PRKN: variants seen among roughly 807,000 people sequenced by gnomAD.
PRKN encodes parkin RBR E3 ubiquitin protein ligase.
Under a neutral mutation model 59.5 loss-of-function variants are expected in PRKN, and 56 were observed. The observed-to-expected ratio is 0.94, with a 90% CI of 0.76 to 1.18. PRKN has a LOEUF of 1.18. Ranked by LOEUF, PRKN falls within the 50% of genes most tolerant of loss-of-function variation. PRKN has a pLI of 0.00. For synonymous variants in PRKN, 250 were observed against 222.1 expected (o/e 1.13, Z -1.12); for missense variants, 657 against 596.4 (o/e 1.10, Z -1.06).
chr6:161,486,669 T>C, intron 9 of PRKN, among the ~76,000 whole-genome samples: 1 of 152,234 alleles, frequency 6.6e-6, no homozygotes, highest in East Asian at 1.9e-4. Context: ...ACCTTAGGGA[T>C]GCTATTAGCA....
intron 6 of PRKN, among the ~76,000 whole-genome samples, chr6:161,874,719 C>CAATATATAAAATATAT (rs1554237883): frequency 0.016 from 1,374 of 83,790 alleles, 126 homozygotes; most frequent in African/African-American, 0.07. Context: ...ATAAAATGTA[C>CAATATATAAAATATAT]AATATATAAA....
intron 8 of PRKN, among the ~76,000 whole-genome samples, chr6:161,557,398 G>A (rs1780277158): frequency 6.6e-6 from 1 of 152,200 alleles, no homozygotes; most frequent in African/African-American, 2.4e-5. Context: ...TAGGAGACCT[G>A]TATTTGGGTA....
In PRKN at chr6:161,533,654, C is replaced by T. The variant is rs558794240; in HGVS notation, c.1083+15200G>A. Among the ~76,000 whole-genome samples, 3 of 152,202 alleles carry T rather than the reference C, an allele frequency of 2.0e-5. No individual in the cohort carries two copies. The highest frequency in any genetic ancestry group is 4.4e-5 in the Non-Finnish European group (3 of 68,042). On this transcript the variant is annotated intron_variant, in intron 9 of 11. Transcript: ENST00000366898. This position sits in a 1 kb window ranked among gnomAD's most constrained non-coding sequence, Gnocchi z 4.1. ...ATCTGTGAGCCCTACGTAAATCAGA[C>T]ACTGCCTCCTCAAGCCTGCCTATAA... is the stretch of plus-strand genomic sequence containing the variant.
rs1779744711 is a variant in PRKN, at chr6:161,545,008, T to C, written c.1083+3846A>G. 3.6e-6 allele frequency: 1 copy of C among 274,918 alleles called. No homozygotes were observed. Among genetic ancestry groups the C allele is most frequent in the African/African-American group, 2.3e-5 (1 of 43,908 alleles). 17.0% of individuals were successfully genotyped at this position (274,918 alleles called of 1,614,324 possible). On this transcript the variant is annotated intron_variant, in intron 9 of 11. Transcript: ENST00000366898. The surrounding 1 kb of genome is among the most constrained non-coding windows in gnomAD (Gnocchi z 4.1). The stretch of plus-strand genomic sequence containing the variant: ...CTGTGCGGAAGACCACCCAGGTACA[T>C]GGTCGTGGGTGAAATGACTAGAAGA...
chr6:162,659,138 T>C lies in PRKN; in HGVS notation c.7+68524A>G, dbSNP rs546676534. 5.9e-5 allele frequency among the ~76,000 whole-genome samples: 9 copies of C among 152,296 alleles called. No homozygotes were observed. The South Asian group carries it at 1.9e-3, about 32-fold the overall frequency. On this transcript the variant is annotated intron_variant, in intron 1 of 11. Coordinates refer to ENST00000366898, the MANE Select transcript of PRKN (RefSeq NM_004562.3). ...TATGAATGTTAAATGTTATAATACC[T>C]TTCTTAGTTACATGAATTCAAGCGG...
intron 2 of PRKN, among the ~76,000 whole-genome samples, chr6:162,273,189 G>A (rs1374995557): frequency 1.3e-5 from 2 of 151,938 alleles, no homozygotes; most frequent in African/African-American, 2.4e-5. Context: ...AAAAGGAAAC[G>A]TAGAAAGGAA....
chr6:161,852,909 GGGA>G (rs1265679663), intron 6 of PRKN, among the ~76,000 whole-genome samples: 1 of 152,158 alleles, frequency 6.6e-6, no homozygotes, highest in Non-Finnish European at 1.5e-5. Flanking sequence ...AGAAACCAGA[GGGA>G]GGCCAGAGAA....
intron 1 of PRKN, among the ~76,000 whole-genome samples, chr6:162,574,217 A>G (rs1780464358): frequency 6.6e-6 from 1 of 152,134 alleles, no homozygotes; most frequent in Non-Finnish European, 1.5e-5. Flanking sequence ...ATCTTCAAAG[A>G]AGGCACATAA....
At chr6:161,904,683 T>C (rs1375424224) in intron 6 of PRKN, among the ~76,000 whole-genome samples, 1 of 152,146 alleles carries the variant, frequency 6.6e-6, no homozygotes, top group African/African-American at 2.4e-5. Context: ...TGTGAAAGCC[T>C]GAACTTGGGA....
intron 1 of PRKN, among the ~76,000 whole-genome samples, chr6:162,586,397 A>G (rs1311949828): frequency 6.6e-6 from 1 of 152,224 alleles, no homozygotes; most frequent in African/African-American, 2.4e-5. Context: ...AAACCACTAA[A>G]ATGTTCTGCT....
chr6:161,767,461 G>A (rs1430582009), intron 7 of PRKN, among the ~76,000 whole-genome samples: 3 of 150,898 alleles, frequency 2.0e-5, no homozygotes, highest in African/African-American at 4.9e-5. Flanking sequence ...AGCTTGCAGT[G>A]AGCCAAGATC....
At chr6:162,650,987 G>A (rs963498656) in intron 1 of PRKN, among the ~76,000 whole-genome samples, 28 of 152,210 alleles carry the variant, frequency 1.8e-4, no homozygotes, top group Middle Eastern at 3.4e-3. Flanking sequence ...ATGAGAGGTC[G>A]AGAAGATCTA....
chr6:162,562,577 G>C (rs1470128675), intron 1 of PRKN, among the ~76,000 whole-genome samples: 3 of 152,140 alleles, frequency 2.0e-5, no homozygotes, highest in Admixed American at 6.5e-5. Context: ...CTCATGGTCT[G>C]GGGTAGTGGT....
At chr6:162,245,268 A>G (rs943247364) in intron 3 of PRKN, among the ~76,000 whole-genome samples, 1 of 152,104 alleles carries the variant, frequency 6.6e-6, no homozygotes, top group Non-Finnish European at 1.5e-5. Flanking sequence ...CCAGTGGAGC[A>G]GACAACCTCA....
rs1041637136 is a variant in PRKN, at chr6:161,429,414, G to T, written c.1084-42537C>A. ...CTATTGCTCTATGTGTGGGAAAACAGGCAACCTGGGGAGCCATGGTTAAGA... is the reference window on the plus strand; with the variant it reads ...CTATTGCTCTATGTGTGGGAAAACATGCAACCTGGGGAGCCATGGTTAAGA... On this transcript the variant is annotated intron_variant, in intron 9 of 11. Transcript: ENST00000366898. The surrounding 1 kb of genome is among the most constrained non-coding windows in gnomAD (Gnocchi z 4.2). Among the ~76,000 whole-genome samples the T allele has an allele frequency of 2.0e-5, 3 of 152,106 alleles. No individual in the cohort carries two copies. Among genetic ancestry groups the T allele is most frequent in the Admixed American group, 6.6e-5 (1 of 15,260 alleles).
chr6:162,633,268 T>A lies in PRKN; in HGVS notation c.7+94394A>T, dbSNP rs140157835. Among the ~76,000 whole-genome samples the A allele has an allele frequency of 9.9e-5, 15 of 151,586 alleles. No individual in the cohort carries two copies. In the East Asian group the frequency reaches 2.9e-3, roughly 30 times the overall value. ...GGCCGACGTGGTGAAACCCCATCTCTACTAAAAATACAAAAAATTAGCCAG... is the reference window on the plus strand; with the variant it reads ...GGCCGACGTGGTGAAACCCCATCTCAACTAAAAATACAAAAAATTAGCCAG... On this transcript the variant is annotated intron_variant, in intron 1 of 11. Coordinates refer to ENST00000366898, the MANE Select transcript of PRKN (RefSeq NM_004562.3).
At chr6:161,366,886 T>A (rs1582977014) in intron 10 of PRKN, among the ~76,000 whole-genome samples, 1 of 152,188 alleles carries the variant, frequency 6.6e-6, no homozygotes, top group Admixed American at 6.6e-5. Context: ...TTGTGAAGGC[T>A]ACCCAATTTA....
chr6:162,660,480 A>T (rs1778835871), intron 1 of PRKN, among the ~76,000 whole-genome samples: 1 of 152,196 alleles, frequency 6.6e-6, no homozygotes, highest in Non-Finnish European at 1.5e-5. Context: ...CTGATCCTTC[A>T]AAATAAAAAA....
intron 4 of PRKN, among the ~76,000 whole-genome samples, chr6:162,192,316 A>C (rs1478423794): frequency 6.6e-6 from 1 of 152,112 alleles, no homozygotes; most frequent in Non-Finnish European, 1.5e-5. Context: ...GGTGTACCTC[A>C]TTGCCATAAT....
Sources: gnomAD v4.1 joint callset for allele counts (sites outside exome capture counted in the v4.1 genomes callset) on GRCh38, gnomAD v4.1.1 for gene constraint, Gnocchi (gnomAD v3.1) non-coding constraint, MANE v1.5 for transcripts, NCBI Gene and HGNC (gene_info 2026-07-23, HGNC 2026-07-21) for gene names.